ARL15: variants seen among roughly 807,000 people sequenced by gnomAD.
ARL15 encodes ADP-ribosylation factor-like protein 15.
Under a neutral mutation model 25.2 loss-of-function variants are expected in ARL15, and 19 were observed. The ratio of observed to expected loss-of-function variants is 0.75; its 90% CI spans 0.53 to 1.10. The LOEUF (loss-of-function observed/expected upper bound fraction) is 1.10. ARL15 is among the 50% of genes least tolerant of loss of function. The probability of loss-of-function intolerance (pLI) is 0.00; values close to 1 mark genes in which losing one functional copy is unlikely to be tolerated. For synonymous variants in ARL15, 94 were observed against 86.8 expected (o/e 1.08, Z -0.46); for missense variants, 220 against 246.0 (o/e 0.89, Z 0.71).
intron 1 of ARL15, among the ~76,000 whole-genome samples, chr5:54,181,562 A>T (rs1241192481): frequency 6.6e-6 from 1 of 152,214 alleles, no homozygotes; most frequent in South Asian, 2.1e-4. Flanking sequence ...AAATACACAA[A>T]CACTTTTAAC....
At chr5:54,153,912 C>T (rs1579853290) in intron 3 of ARL15, among the ~76,000 whole-genome samples, 1 of 152,120 alleles carries the variant, frequency 6.6e-6, no homozygotes, top group Admixed American at 6.5e-5. Flanking sequence ...TTAAACTCAC[C>T]GATATCATAC....
intron 1 of ARL15, among the ~76,000 whole-genome samples, chr5:54,216,021 C>T (rs1015749445): frequency 6.6e-6 from 1 of 152,152 alleles, no homozygotes; most frequent in Non-Finnish European, 1.5e-5. Context: ...TCTGGCTGTG[C>T]ATAAAATAGA....
chr5:54,031,638 A>G (rs554090927), intron 4 of ARL15, among the ~76,000 whole-genome samples: 1 of 152,322 alleles, frequency 6.6e-6, no homozygotes, highest in South Asian at 2.1e-4. Context: ...ATAATGGCCC[A>G]CCTGAATGTG....
chr5:54,217,280 T>C (rs762233488), intron 1 of ARL15, among the ~76,000 whole-genome samples: 1 of 152,008 alleles, frequency 6.6e-6, no homozygotes, highest in Non-Finnish European at 1.5e-5. Context: ...TAAAAATATC[T>C]TAAAATAAGA....
chr5:54,230,705 G>T (rs530284151), intron 1 of ARL15, among the ~76,000 whole-genome samples: 1 of 152,012 alleles, frequency 6.6e-6, no homozygotes, highest in East Asian at 1.9e-4. Flanking sequence ...CCCTCTGTGC[G>T]CCCTCATCCA....
At chr5:54,061,524 C>T (rs975111656) in intron 4 of ARL15, among the ~76,000 whole-genome samples, 1 of 152,088 alleles carries the variant, frequency 6.6e-6, no homozygotes, top group African/African-American at 2.4e-5. Context: ...GCAGGAGAAT[C>T]GCTTGAACCC....
intron 4 of ARL15, among the ~76,000 whole-genome samples, chr5:53,980,931 T>C (rs1231880270): frequency 6.6e-6 from 1 of 151,962 alleles, no homozygotes; most frequent in Non-Finnish European, 1.5e-5. Context: ...CAGTGAGCTA[T>C]AATCCTGCTA....
intron 1 of ARL15, among the ~76,000 whole-genome samples, chr5:54,211,830 T>C (rs1220691933): frequency 6.6e-6 from 1 of 151,410 alleles, no homozygotes; most frequent in Non-Finnish European, 1.5e-5. Flanking sequence ...AATCAGAGAG[T>C]TCAGGAAGGA....
chr5:54,119,903 C>G (rs556016774), intron 3 of ARL15, among the ~76,000 whole-genome samples: 3 of 152,160 alleles, frequency 2.0e-5, no homozygotes, highest in Non-Finnish European at 2.9e-5. Flanking sequence ...TTCTAAAAAT[C>G]TTCTGGTCTG....
intron 4 of ARL15, among the ~76,000 whole-genome samples, chr5:54,081,212 T>C (rs1751788352): frequency 6.6e-6 from 1 of 152,198 alleles, no homozygotes; most frequent in Non-Finnish European, 1.5e-5. Context: ...TAAAGGATTT[T>C]TGTGTCAAGT....
chr5:54,132,206 T>A (rs2112280575), intron 3 of ARL15, among the ~76,000 whole-genome samples: 1 of 152,156 alleles, frequency 6.6e-6, no homozygotes, highest in East Asian at 1.9e-4. Flanking sequence ...CACAAACACA[T>A]ACGCATGCAG....
intron 4 of ARL15, among the ~76,000 whole-genome samples, chr5:53,973,135 C>T (rs912695961): frequency 2.0e-5 from 3 of 151,828 alleles, no homozygotes; most frequent in Admixed American, 6.6e-5. Flanking sequence ...AAAGCACAGC[C>T]GAGTATGAGA....
intron 4 of ARL15, among the ~76,000 whole-genome samples, chr5:54,066,579 G>C (rs533944085): frequency 7.9e-4 from 120 of 152,282 alleles, no homozygotes; most frequent in Middle Eastern, 3.4e-3. Context: ...AGCAGGTGGG[G>C]TGGGGACTTT....
intron 4 of ARL15, among the ~76,000 whole-genome samples, chr5:53,941,751 T>C (rs1386470886): frequency 6.6e-6 from 1 of 151,818 alleles, no homozygotes; most frequent in Non-Finnish European, 1.5e-5. Flanking sequence ...GATTCTTCTT[T>C]GAGTTGTTGG....
At chr5:53,898,733 C>T (rs915207747) in intron 4 of ARL15, among the ~76,000 whole-genome samples, 2 of 151,798 alleles carry the variant, frequency 1.3e-5, no homozygotes, top group African/African-American at 4.8e-5. Context: ...GTAGCCTCAA[C>T]CTTCCAGGCT....
chr5:54,222,197 C>T (rs1756396798), intron 1 of ARL15, among the ~76,000 whole-genome samples: 1 of 152,138 alleles, frequency 6.6e-6, no homozygotes, highest in South Asian at 2.1e-4. Context: ...AAAATTTAAA[C>T]TTAAAGAATA....
chr5:54,093,803 C>T (rs757812213), intron 4 of ARL15, among the ~76,000 whole-genome samples: 7 of 151,490 alleles, frequency 4.6e-5, no homozygotes, highest in Non-Finnish European at 7.4e-5. Flanking sequence ...ACTTAAATAC[C>T]ATTATCATAC....
intron 3 of ARL15, among the ~76,000 whole-genome samples, chr5:54,124,793 A>G (rs1004807696): frequency 6.6e-6 from 1 of 152,232 alleles, no homozygotes; most frequent in South Asian, 2.1e-4. Context: ...GGAAGAGCAT[A>G]GTCATTCCAA....
intron 4 of ARL15, among the ~76,000 whole-genome samples, chr5:53,961,355 A>T (rs1451668507): frequency 2.6e-5 from 4 of 151,838 alleles, no homozygotes; most frequent in Admixed American, 2.6e-4. Flanking sequence ...AAAATTAGCC[A>T]GGTATGGTGG....
Sources: allele counts gnomAD v4.1 joint callset (sites outside exome capture counted in the v4.1 genomes callset), GRCh38; gene constraint gnomAD v4.1.1; transcripts MANE v1.5; gene names NCBI Gene and HGNC (gene_info 2026-07-23, HGNC 2026-07-21).